Variants in FSTL4 observed in about 807,000 individuals in gnomAD.
The protein encoded by FSTL4 is follistatin-related protein 4.
FSTL4 carries 28 observed loss-of-function variants against 78.2 expected under a neutral mutation model. The ratio of observed to expected loss-of-function variants is 0.36; its 90% CI spans 0.27 to 0.49. The LOEUF is 0.49. Among genes scored for constraint, FSTL4 ranks in the 20% least tolerant of loss-of-function variants. The probability of loss-of-function intolerance (pLI) is 0.98; values close to 1 mark genes in which losing one functional copy is unlikely to be tolerated. For missense variants in FSTL4, 922 were observed against 1,084.9 expected, an observed-to-expected ratio of 0.85 and a Z score of 2.11; for synonymous variants, 422 against 440.5, an observed-to-expected ratio of 0.96 and a Z score of 0.53.
chr5:133,648,425 C>G, the FSTL4 span, among the ~76,000 whole-genome samples: 1 of 152,196 alleles, frequency 6.6e-6, no homozygotes, highest in Non-Finnish European at 1.5e-5. Context: ...ACTTGTCAGG[C>G]CCAACCTTTC....
At chr5:133,783,393 T>A in the FSTL4 span, among the ~76,000 whole-genome samples, 200 of 152,330 alleles carry the variant, frequency 1.3e-3, no homozygotes, top group African/African-American at 4.5e-3. Flanking sequence ...TGTCCCAGCA[T>A]AATTATTAAT....
At chr5:133,429,246 C>T (rs1337351079) in intron 3 of FSTL4, among the ~76,000 whole-genome samples, 2 of 152,142 alleles carry the variant, frequency 1.3e-5, no homozygotes, top group Non-Finnish European at 2.9e-5. Flanking sequence ...ATCTTTAATT[C>T]AAATGAGCCT....
At chr5:133,813,122 C>T in the FSTL4 span, among the ~76,000 whole-genome samples, 40 of 150,708 alleles carry the variant, frequency 2.7e-4, no homozygotes, top group African/African-American at 9.3e-4. Context: ...AAGTCAGCAG[C>T]CTCCTGTCCA....
the FSTL4 span, among the ~76,000 whole-genome samples, chr5:133,621,376 G>C: frequency 6.6e-6 from 1 of 152,166 alleles, no homozygotes; most frequent in Non-Finnish European, 1.5e-5. Flanking sequence ...CTCCAGCCTA[G>C]GCAACAGAGC....
the FSTL4 span, among the ~76,000 whole-genome samples, chr5:133,621,372 C>A: frequency 6.6e-6 from 1 of 152,136 alleles, no homozygotes; most frequent in Admixed American, 6.5e-5. Context: ...TGCACTCCAG[C>A]CTAGGCAACA....
At chr5:133,404,727 T>C (rs1489747471) in intron 3 of FSTL4, among the ~76,000 whole-genome samples, 1 of 152,082 alleles carries the variant, frequency 6.6e-6, no homozygotes, top group African/African-American at 2.4e-5. Flanking sequence ...CTGACCCCGG[T>C]GGAAGGCATA....
chr5:133,529,894 G>T (rs1373998044), intron 3 of FSTL4, among the ~76,000 whole-genome samples: 3 of 151,460 alleles, frequency 2.0e-5, no homozygotes, highest in African/African-American at 4.9e-5. Context: ...CGTCCTGTCT[G>T]ATTGGATTTG....
chr5:133,304,473 T>TA (rs1311273875), intron 6 of FSTL4, among the ~76,000 whole-genome samples: 1 of 152,160 alleles, frequency 6.6e-6, no homozygotes, highest in Non-Finnish European at 1.5e-5. Flanking sequence ...GAGGAGGGTT[T>TA]AAAAAAATCA....
At chr5:133,319,072 T>C (rs1347277194) in intron 4 of FSTL4, among the ~76,000 whole-genome samples, 1 of 152,164 alleles carries the variant, frequency 6.6e-6, no homozygotes, top group African/African-American at 2.4e-5. Context: ...ACCATCCAGG[T>C]GGGTCTTGCT....
the FSTL4 span, among the ~76,000 whole-genome samples, chr5:133,756,543 C>T: frequency 2.6e-5 from 4 of 152,062 alleles, no homozygotes; most frequent in Admixed American, 6.5e-5. Context: ...TTTAAGGTTT[C>T]CTTCCCCCAG....
chr5:133,662,876 G>C, the FSTL4 span, among the ~76,000 whole-genome samples: 1 of 152,110 alleles, frequency 6.6e-6, no homozygotes, highest in Non-Finnish European at 1.5e-5. Flanking sequence ...GAGAGGCTTT[G>C]TCACATTGCT....
At chr5:133,360,103 GGGCTGGGGCCTTCAT>G (rs1755036973) in intron 4 of FSTL4, among the ~76,000 whole-genome samples, 1 of 152,246 alleles carries the variant, frequency 6.6e-6, no homozygotes, top group Non-Finnish European at 1.5e-5. Context: ...CTTCCCTGCA[GGGCTGGGGCCTTCAT>G]GGGAACACAC....
At chr5:133,367,445 G>T (rs1414357836) in intron 4 of FSTL4, among the ~76,000 whole-genome samples, 1 of 152,218 alleles carries the variant, frequency 6.6e-6, no homozygotes, top group Non-Finnish European at 1.5e-5. Flanking sequence ...ATTCTCAGAA[G>T]TTTTCTAGGA....
At chr5:133,279,948 C>T (rs565539812) in intron 6 of FSTL4, among the ~76,000 whole-genome samples, 1 of 152,328 alleles carries the variant, frequency 6.6e-6, no homozygotes, top group African/African-American at 2.4e-5. Context: ...TGGAGGCAGA[C>T]ACTGGAGTTA....
At chr5:133,499,624 G>A (rs533447862) in intron 3 of FSTL4, among the ~76,000 whole-genome samples, 14 of 152,256 alleles carry the variant, frequency 9.2e-5, no homozygotes, top group African/African-American at 3.4e-4. Flanking sequence ...CTTCAGTGAA[G>A]CACACTCTTA....
chr5:133,277,837 A>G (rs1752921224), intron 6 of FSTL4, among the ~76,000 whole-genome samples: 1 of 152,328 alleles, frequency 6.6e-6, no homozygotes, highest in Non-Finnish European at 1.5e-5. Context: ...TGCCAGGGAC[A>G]CTTGGTGCTG....
chr5:133,224,813 G>C (rs1460613793), intron 10 of FSTL4, among the ~76,000 whole-genome samples: 1 of 152,196 alleles, frequency 6.6e-6, no homozygotes, highest in Non-Finnish European at 1.5e-5. Context: ...GGGCCACTGT[G>C]GGACATCACG....
intron 3 of FSTL4, among the ~76,000 whole-genome samples, chr5:133,563,641 C>T (rs1304600562): frequency 1.3e-5 from 2 of 152,244 alleles, no homozygotes; most frequent in Non-Finnish European, 2.9e-5. Flanking sequence ...GGTGCCTGGG[C>T]ACTCTGAGGA....
intron 15 of FSTL4, 130 bp downstream of exon 15, chr5:133,201,803 A>T (rs1292790203): frequency 3.5e-6 from 2 of 575,036 alleles, no homozygotes; most frequent in Non-Finnish European, 6.4e-6. Context: ...TTCCTTCGTG[A>T]TGGGGTCCAA....
Sources: allele counts gnomAD v4.1 joint callset (sites outside exome capture counted in the v4.1 genomes callset), GRCh38; gene constraint gnomAD v4.1.1; transcripts MANE v1.5; gene names NCBI Gene and HGNC (gene_info 2026-07-23, HGNC 2026-07-21).